Variants in CLNK observed in about 807,000 individuals in gnomAD.
CLNK encodes cytokine dependent hematopoietic cell linker.
A neutral mutation model predicts 68.6 loss-of-function variants in CLNK; 74 were observed. The observed-to-expected ratio is 1.08, with a 90% CI of 0.89 to 1.31. The LOEUF (loss-of-function observed/expected upper bound fraction) is 1.31. Among genes scored for constraint, CLNK ranks in the 50% most tolerant of loss-of-function variants. The pLI is 0.00. For missense variants in CLNK, 553 were observed against 515.3 expected, an observed-to-expected ratio of 1.07 and a Z score of -0.71; for synonymous variants, 198 against 172.2, an observed-to-expected ratio of 1.15 and a Z score of -1.17.
At chr4:10,508,319 A>G (rs1245239102) in intron 16 of CLNK, among the ~76,000 whole-genome samples, 1 of 152,186 alleles carries the variant, frequency 6.6e-6, no homozygotes, top group African/African-American at 2.4e-5. Context: ...TAAGCCTGCT[A>G]TCTATCAGTG....
rs559562461 is a variant in CLNK, at chr4:10,580,416, A to G, written c.112+4511T>C. Among the ~76,000 whole-genome samples, 332 of 152,332 alleles carry G rather than the reference A, an allele frequency of 2.2e-3. 3 individuals carry two copies. Among genetic ancestry groups the G allele is most frequent in the African/African-American group, 7.6e-3 (318 of 41,578 alleles). On this transcript the variant is annotated intron_variant, in intron 4 of 18. Transcript: ENST00000226951. ...TCCCGCTACTGATTAGAAAAAGTTA[A>G]CTGTAAAACAGTCTCAGGCAGGCCC...
chr4:10,730,308 C>T, the CLNK span, among the ~76,000 whole-genome samples: 2 of 152,168 alleles, frequency 1.3e-5, no homozygotes, highest in African/African-American at 4.8e-5. Flanking sequence ...ATGCCCTCAA[C>T]TCTGAGAGTC....
At chr4:10,633,197 C>G (rs904774646) in intron 2 of CLNK, among the ~76,000 whole-genome samples, 1 of 152,172 alleles carries the variant, frequency 6.6e-6, no homozygotes, top group Non-Finnish European at 1.5e-5. Flanking sequence ...CTCGGCCTCC[C>G]AAAGTGCTGG....
intron 2 of CLNK, among the ~76,000 whole-genome samples, chr4:10,611,555 G>A (rs1722025359): frequency 6.6e-6 from 1 of 151,760 alleles, no homozygotes; most frequent in African/African-American, 2.4e-5. Context: ...GCTGGGAGGG[G>A]CCTCCCGTGA....
chr4:10,548,555 C>G (rs1425307162), intron 8 of CLNK, among the ~76,000 whole-genome samples: 2 of 152,152 alleles, frequency 1.3e-5, no homozygotes, highest in Non-Finnish European at 2.9e-5. Context: ...TCCTTTTGGT[C>G]TCATACCCAA....
At chr4:10,672,657 T>G (rs955140030) in intron 1 of CLNK, among the ~76,000 whole-genome samples, 6 of 152,206 alleles carry the variant, frequency 3.9e-5, no homozygotes, top group African/African-American at 1.4e-4. Context: ...TGCTTTGGAA[T>G]TATCTGGAAA....
chr4:10,486,464 A>T lies in CLNK; in HGVS notation c.*4003T>A, dbSNP rs11947494. 1.3e-5 allele frequency: 2 copies of T among 152,212 alleles called. No homozygotes were observed. The highest frequency in any genetic ancestry group is 2.4e-5 in the African/African-American group (1 of 41,442). The allele number at this position is 152,212 out of a possible 1,614,324, so 9.4% of individuals were successfully genotyped here. On this transcript the variant is annotated 3_prime_UTR_variant, in exon 19 of 19. Coordinates refer to ENST00000226951, the MANE Select transcript of CLNK (RefSeq NM_052964.4). ...GTAAATTATGAATGTAAATGTGCTTAGCTAGAACAAATATTGCTCAGAATA... is the reference window on the plus strand; with the variant it reads ...GTAAATTATGAATGTAAATGTGCTTTGCTAGAACAAATATTGCTCAGAATA...
At chr4:10,636,768 A>C (rs1404976225) in intron 2 of CLNK, among the ~76,000 whole-genome samples, 1 of 152,106 alleles carries the variant, frequency 6.6e-6, no homozygotes, top group Non-Finnish European at 1.5e-5. Flanking sequence ...CTGAATTTGG[A>C]AGGATGGAGG....
chr4:10,556,072 T>C (rs1398589867), intron 8 of CLNK, among the ~76,000 whole-genome samples: 1 of 152,262 alleles, frequency 6.6e-6, no homozygotes, highest in Non-Finnish European at 1.5e-5. Flanking sequence ...AGTTGTGGCC[T>C]CAGTTTACAC....
intron 1 of CLNK, among the ~76,000 whole-genome samples, chr4:10,681,933 T>C (rs1725107423): frequency 6.6e-6 from 1 of 152,240 alleles, no homozygotes; most frequent in Non-Finnish European, 1.5e-5. Flanking sequence ...TGAGAAATGA[T>C]GAGCGTTTCT....
At chr4:10,505,763 A>G (rs1197833005) in intron 17 of CLNK, among the ~76,000 whole-genome samples, 1 of 152,154 alleles carries the variant, frequency 6.6e-6, no homozygotes, top group Non-Finnish European at 1.5e-5. Flanking sequence ...GATGCATGAT[A>G]ACTTCCCCAT....
In CLNK at chr4:10,598,047, C is replaced by T. The variant is rs1486905271; in HGVS notation, c.14G>A (p.Gly5Asp). MNRQ[G>D]NRKTTKEGSN... Reference sequence around the variant, plus strand: ...TCCTTCTTTAGTTGTCTTTCTATTGCCCCTGGGATGAAAGAAAATAAATTA... The same window carrying T: ...TCCTTCTTTAGTTGTCTTTCTATTGTCCCTGGGATGAAAGAAAATAAATTA... The change falls in exon 3 of 19, where the codon GGC (glycine) becomes GAC (aspartate). Residue 5 changes from glycine (G) to aspartate (D), a missense_variant and splice_region_variant. By Grantham distance (94) the Gly-to-Asp change is moderately conservative (BLOSUM62 -1). Coordinates refer to ENST00000226951, the MANE Select transcript of CLNK (RefSeq NM_052964.4). 8 of 1,572,458 alleles carry T rather than the reference C, an allele frequency of 5.1e-6. No homozygotes were observed. The highest frequency in any genetic ancestry group is 2.7e-5 in the African/African-American group (2 of 74,052).
the CLNK span, among the ~76,000 whole-genome samples, chr4:10,726,567 C>T: frequency 2.0e-5 from 3 of 147,802 alleles, no homozygotes; most frequent in South Asian, 6.8e-4. Flanking sequence ...CTCCTAGGTC[C>T]TGGACATTAG....
chr4:10,571,259 T>A (rs1720330022), intron 5 of CLNK, among the ~76,000 whole-genome samples: 1 of 151,598 alleles, frequency 6.6e-6, no homozygotes, highest in South Asian at 2.1e-4. Flanking sequence ...AGAATTAAAA[T>A]GCAGTTTTTC....
At chr4:10,682,389 T>G (rs1183825016) in intron 1 of CLNK, among the ~76,000 whole-genome samples, 2 of 152,172 alleles carry the variant, frequency 1.3e-5, no homozygotes, top group East Asian at 3.8e-4. Context: ...TGGCAGTAGC[T>G]TATGACAGTG....
At chr4:10,672,521 G>A (rs1350349217) in intron 1 of CLNK, among the ~76,000 whole-genome samples, 1 of 152,114 alleles carries the variant, frequency 6.6e-6, no homozygotes, top group Non-Finnish European at 1.5e-5. Flanking sequence ...TTAATTAAAT[G>A]CCTTATATCA....
At position 10,510,309 on chromosome 4, in the gene CLNK, T is replaced by C. The variant is rs1717523961; in HGVS notation, c.907-2273A>G. ...AAAGGAATGTTTCATTTTGGCCAAA[T>C]ATGTCGTTAATATCTCTCTGCCATT... is the stretch of plus-strand genomic sequence containing the variant. On this transcript the variant is annotated intron_variant, in intron 16 of 18. Transcript: ENST00000226951. 3.3e-5 allele frequency among the ~76,000 whole-genome samples: 5 copies of C among 152,156 alleles called. 1 individual carries two copies. The South Asian group carries it at 1.0e-3, about 32-fold the overall frequency.
chr4:10,709,217 C>T, the CLNK span, among the ~76,000 whole-genome samples: 1 of 152,174 alleles, frequency 6.6e-6, no homozygotes, highest in Non-Finnish European at 1.5e-5. Context: ...AAAACTTTTT[C>T]AGTGGAATGT....
intron 1 of CLNK, among the ~76,000 whole-genome samples, chr4:10,681,231 A>G (rs929910784): frequency 2.6e-5 from 4 of 152,172 alleles, no homozygotes; most frequent in Admixed American, 2.6e-4. Context: ...AAAATCACCA[A>G]AGATGGATAC....
Sources: gnomAD v4.1 joint callset for allele counts (sites outside exome capture counted in the v4.1 genomes callset) on GRCh38, gnomAD v4.1.1 for gene constraint, MANE v1.5 for transcripts, NCBI Gene and HGNC (gene_info 2026-07-23, HGNC 2026-07-21) for gene names.